The following ADAMTS20 variants were observed in gnomAD, a reference collection of about 807,000 sequenced individuals.
ADAMTS20 encodes A disintegrin and metalloproteinase with thrombospondin motifs 20.
Under a neutral mutation model 260.1 loss-of-function variants are expected in ADAMTS20, and 225 were observed. The ratio of observed to expected loss-of-function variants is 0.87; its 90% confidence interval spans 0.78 to 0.97. The LOEUF is 0.97. Ranked by LOEUF, ADAMTS20 falls within the 50% of genes least tolerant of loss-of-function variation. The probability of loss-of-function intolerance (pLI) is 0.00; values close to 1 mark genes in which losing one functional copy is unlikely to be tolerated. For missense variants in ADAMTS20, 2,400 were observed against 2,337.7 expected (o/e 1.03, Z -0.55); for synonymous variants, 802 against 769.5 (o/e 1.04, Z -0.70).
chr12:43,465,668 T>C (rs1457975355), intron 9 of ADAMTS20, among the ~76,000 whole-genome samples: 1 of 152,144 alleles, frequency 6.6e-6, no homozygotes, highest in East Asian at 1.9e-4. Flanking sequence ...ATCAAAATAT[T>C]ACTCCCTTCT....
At chr12:43,503,533 T>TA (rs1942798364) in intron 3 of ADAMTS20, among the ~76,000 whole-genome samples, 1 of 152,130 alleles carries the variant, frequency 6.6e-6, no homozygotes, top group Non-Finnish European at 1.5e-5. Context: ...TTAATTAATA[T>TA]AAAAAATTTT....
chr12:43,385,501 T>C (rs1565675059), intron 29 of ADAMTS20, among the ~76,000 whole-genome samples: 1 of 152,200 alleles, frequency 6.6e-6, no homozygotes, highest in Non-Finnish European at 1.5e-5. Flanking sequence ...GCTTTTGGTG[T>C]TTTAGTCATG....
intron 11 of ADAMTS20, among the ~76,000 whole-genome samples, chr12:43,455,272 G>A (rs2137358750): frequency 6.6e-6 from 1 of 152,260 alleles, no homozygotes; most frequent in South Asian, 2.1e-4. Context: ...TCCATTTTGT[G>A]CTGCTATATA....
intron 7 of ADAMTS20, among the ~76,000 whole-genome samples, chr12:43,485,505 G>C (rs1302090415): frequency 6.6e-6 from 1 of 152,058 alleles, no homozygotes; most frequent in Admixed American, 6.6e-5. Flanking sequence ...CCTGAGAAGT[G>C]GAACAAGACA....
At chr12:43,427,034 A>G (rs1050182371) in intron 27 of ADAMTS20, among the ~76,000 whole-genome samples, 1 of 152,092 alleles carries the variant, frequency 6.6e-6, no homozygotes, top group African/African-American at 2.4e-5. Context: ...ATAGCCAGGC[A>G]TGGTGGCACA....
At chr12:43,464,430 A>G (rs946601327) in intron 10 of ADAMTS20, among the ~76,000 whole-genome samples, 161 bp downstream of exon 10, 2 of 152,210 alleles carry the variant, frequency 1.3e-5, no homozygotes, top group African/African-American at 4.8e-5. Flanking sequence ...TAAGTAGTCA[A>G]TAAGTTTTAA....
At chr12:43,515,224 G>A (rs1037568975) in intron 3 of ADAMTS20, among the ~76,000 whole-genome samples, 1 of 151,984 alleles carries the variant, frequency 6.6e-6, no homozygotes, top group Admixed American at 6.5e-5. Context: ...AAAATACAAA[G>A]GTAATTCAAA....
rs182801399 is a variant in ADAMTS20 at position 43,363,985 on chromosome 12, T to C, written c.5538+5305A>G. Among the ~76,000 whole-genome samples the C allele has an allele frequency of 1.8e-4, 28 of 152,228 alleles. No homozygotes were observed. The East Asian group carries it at 5.4e-3, about 29-fold the overall frequency. On this transcript the variant is annotated intron_variant, in intron 37 of 38. Transcript: ENST00000389420. ...TGGAGACTAAGAGCTAAGCATGATA[T>C]CAGTAGAGACAGACCACGCATAAAC... is the stretch of plus-strand genomic sequence containing the variant.
At chr12:43,421,345 GA>G (rs577224914) in intron 28 of ADAMTS20, among the ~76,000 whole-genome samples, 2 of 148,380 alleles carry the variant, frequency 1.3e-5, no homozygotes, top group Non-Finnish European at 3.0e-5. Flanking sequence ...AGGCAAAAAG[GA>G]AAAAAATATA....
intron 11 of ADAMTS20, among the ~76,000 whole-genome samples, chr12:43,455,966 C>T (rs901230032): frequency 2.0e-5 from 3 of 152,160 alleles, no homozygotes; most frequent in Non-Finnish European, 4.4e-5. Flanking sequence ...GTGAAAAATG[C>T]TGCTATGAGT....
At chr12:43,377,706 A>T in intron 31 of ADAMTS20, 144 bp from the exon 32 acceptor site, 2 of 689,678 alleles carry the variant, frequency 2.9e-6, no homozygotes, top group Non-Finnish European at 4.5e-6. Flanking sequence ...GAGCAAACAT[A>T]GGTTCAGACA....
chr12:43,544,469 A>G (rs539205967), intron 2 of ADAMTS20, among the ~76,000 whole-genome samples: 113 of 152,340 alleles, frequency 7.4e-4, no homozygotes, highest in African/African-American at 2.5e-3. Flanking sequence ...TCTATAAATG[A>G]AATAGAAATG....
chr12:43,505,033 T>C lies in ADAMTS20; in HGVS notation c.614-2628A>G, dbSNP rs533070556. Among the ~76,000 whole-genome samples the C allele has an allele frequency of 1.1e-4, 16 of 152,192 alleles. No individual in the cohort carries two copies. The South Asian group carries it at 3.3e-3, about 32-fold the overall frequency. ...TGGTATAAGTTCATAGCAAAACAAA[T>C]ATATAGACTGATGAACTGCAATAGA... On this transcript the variant is annotated intron_variant, in intron 3 of 38. Transcript: ENST00000389420.
At chr12:43,521,256 A>C (rs1445290200) in intron 3 of ADAMTS20, among the ~76,000 whole-genome samples, 2 of 152,262 alleles carry the variant, frequency 1.3e-5, no homozygotes, top group African/African-American at 4.8e-5. Context: ...GAACTCGCTT[A>C]CTGAGCAAAC....
Position 43,468,039 on chromosome 12 carries a change from T to C in ADAMTS20, c.1223+561A>G, listed in dbSNP as rs186047844. ...TATCATGAGAAATCACGGCCTCTAT[T>C]CTTACAACACAGAACCCCAGCATAT... On this transcript the variant is annotated intron_variant, in intron 8 of 38. Coordinates refer to ENST00000389420, the MANE Select transcript of ADAMTS20 (RefSeq NM_025003.5). Among the ~76,000 whole-genome samples the C allele has an allele frequency of 9.2e-5, 14 of 152,226 alleles. No individual in the cohort carries two copies. In the East Asian group the frequency reaches 2.7e-3, roughly 29 times the overall value.
At chr12:43,384,035 A>G in intron 29 of ADAMTS20, 58 bp from the exon 30 acceptor site, 1 of 1,477,532 alleles carries the variant, frequency 6.8e-7, no homozygotes, top group Non-Finnish European at 9.1e-7. Flanking sequence ...ATTATATAAA[A>G]GTAGCCAATG....
chr12:43,424,049 A>G, intron 28 of ADAMTS20: 1 of 600,730 alleles, frequency 1.7e-6, no homozygotes, highest in Non-Finnish European at 2.9e-6. Context: ...TTGGGTTTAT[A>G]TCTTATTATA....
Position 43,354,068 on chromosome 12 carries a change from C to T in ADAMTS20, c.*141G>A. ...CCTTATTAAGCAGTGATTTGAATCC[C>T]TGATGAGCACCCTGAAAAAAAGGCA... On this transcript the variant is annotated 3_prime_UTR_variant, in exon 39 of 39. Transcript: ENST00000389420. The T allele has an allele frequency of 1.9e-6, 1 of 536,684 alleles. No individual in the cohort carries two copies. Among genetic ancestry groups the T allele is most frequent in the Non-Finnish European group, 3.2e-6 (1 of 313,774 alleles). The allele number at this position is 536,684 out of a possible 1,614,324, so 33.2% of individuals were successfully genotyped here.
chr12:43,551,697 G>C lies in ADAMTS20; in HGVS notation c.91+134C>G. On this transcript the variant is annotated intron_variant, in intron 1 of 38. Transcript: ENST00000389420. This position sits in a 1 kb window ranked among gnomAD's most constrained non-coding sequence, Gnocchi z 4.6. Reference sequence around the variant, plus strand: ...CAGTCGCGACCTCTCCGGCTGACTGGTCCGGGAGTCCCGGGAGCTCCAGCA... The same window carrying C: ...CAGTCGCGACCTCTCCGGCTGACTGCTCCGGGAGTCCCGGGAGCTCCAGCA... 1.1e-6 allele frequency: 1 copy of C among 920,400 alleles called. No homozygotes were observed. The highest frequency in any genetic ancestry group is 1.7e-6 in the Non-Finnish European group (1 of 598,116). 57.0% of individuals were successfully genotyped at this position (920,400 alleles called of 1,614,324 possible).
Sources: allele counts gnomAD v4.1 joint callset (sites outside exome capture counted in the v4.1 genomes callset), GRCh38; gene constraint gnomAD v4.1.1; non-coding constraint Gnocchi (gnomAD v3.1); transcripts MANE v1.5; gene names NCBI Gene and HGNC (gene_info 2026-07-23, HGNC 2026-07-21).